Variants in SLC24A4 observed in about 807,000 individuals in gnomAD.
The protein encoded by SLC24A4 is solute carrier family 24 member 4.
In SLC24A4, 53 loss-of-function variants were observed where a neutral mutation model predicts 79.0. That is an observed-to-expected ratio of 0.67 (90% confidence interval 0.54 to 0.84). SLC24A4 has a LOEUF of 0.84. SLC24A4 is among the 40% of genes least tolerant of loss of function. SLC24A4 has a pLI of 0.00. For synonymous variants in SLC24A4, 323 were observed against 323.8 expected, an observed-to-expected ratio of 1.00 and a Z score of 0.03; for missense variants, 731 against 822.0, an observed-to-expected ratio of 0.89 and a Z score of 1.35.
intron 2 of SLC24A4, among the ~76,000 whole-genome samples, chr14:92,400,040 C>T (rs752285520): frequency 1.3e-5 from 2 of 152,076 alleles, no homozygotes; most frequent in African/African-American, 2.4e-5. Context: ...CAGGCGTGAG[C>T]AACTGTGCCT....
intron 2 of SLC24A4, among the ~76,000 whole-genome samples, chr14:92,359,553 C>A (rs1055707916): frequency 2.0e-5 from 3 of 151,806 alleles, no homozygotes; most frequent in African/African-American, 7.3e-5. Flanking sequence ...GAGCCAAGAT[C>A]GCACCATTAC....
chr14:92,430,183 C>G (rs1321195636), intron 2 of SLC24A4, among the ~76,000 whole-genome samples: 4 of 152,234 alleles, frequency 2.6e-5, no homozygotes, highest in Non-Finnish European at 5.9e-5. Flanking sequence ...TCAAGCCACC[C>G]TCTGAGAGGA....
rs1445055166 is a variant in SLC24A4, at chr14:92,445,315, A to G, written c.658-2A>G. ...CTCAACTCTGTTTCTTTTGCCTTACAGTTCATATATGATGAACAAATTGTG... is the reference window on the plus strand; with the variant it reads ...CTCAACTCTGTTTCTTTTGCCTTACGGTTCATATATGATGAACAAATTGTG... On this transcript the variant is annotated splice_acceptor_variant, in intron 7 of 16. Transcript: ENST00000532405. LOFTEE classifies it high-confidence loss of function. 7 of 1,614,028 alleles carry G rather than the reference A, an allele frequency of 4.3e-6. No individual in the cohort carries two copies. Among genetic ancestry groups the G allele is most frequent in the Admixed American group, 1.7e-5 (1 of 60,008 alleles).
chr14:92,446,188 T>C (rs570055881), intron 8 of SLC24A4, among the ~76,000 whole-genome samples: 7,249 of 152,076 alleles, frequency 0.048, 208 homozygotes, highest in Middle Eastern at 0.12. Context: ...TTTTTTTTTT[T>C]TGAGACCCGG....
chr14:92,454,185 G>A, intron 11 of SLC24A4, 116 bp downstream of exon 11: 6 of 1,103,440 alleles, frequency 5.4e-6, no homozygotes, highest in South Asian at 3.2e-5. Flanking sequence ...AGGATGCCCT[G>A]GGGCCTCCAG....
chr14:92,334,425 C>T (rs764976873), intron 2 of SLC24A4, among the ~76,000 whole-genome samples: 29 of 152,148 alleles, frequency 1.9e-4, no homozygotes, highest in Non-Finnish European at 3.7e-4. Context: ...CCACTCATGC[C>T]TGTTTCAGGG....
At chr14:92,486,851 C>G (rs1895393423) in intron 14 of SLC24A4, 71 bp downstream of exon 14, 1 of 1,122,112 alleles carries the variant, frequency 8.9e-7, no homozygotes, top group South Asian at 1.4e-5. Context: ...GCCTGACTTA[C>G]AGTTGACCAA....
chr14:92,347,192 G>A (rs760837556), intron 2 of SLC24A4, among the ~76,000 whole-genome samples: 8 of 152,260 alleles, frequency 5.3e-5, no homozygotes, highest in African/African-American at 9.6e-5. Context: ...TTAGTGATAC[G>A]CCTTAGCCAG....
At position 92,448,924 on chromosome 14, in the gene SLC24A4, A is replaced by G. The variant is rs1892969707; in HGVS notation, c.738-150A>G. On this transcript the variant is annotated intron_variant, in intron 9 of 16. Coordinates refer to ENST00000532405, the MANE Select transcript of SLC24A4 (RefSeq NM_153646.4). ...GTCCCTGTCAGGAAACTGTCAGCCC[A>G]GTTGAAAAGCTGAGGCTCCACACCT... 5.9e-6 allele frequency: 5 copies of G among 852,296 alleles called. No individual in the cohort carries two copies. In the Admixed American group the frequency reaches 1.3e-4, roughly 23 times the overall value. The allele number at this position is 852,296 out of a possible 1,614,324, so 52.8% of individuals were successfully genotyped here.
intron 12 of SLC24A4, among the ~76,000 whole-genome samples, chr14:92,465,710 A>T (rs955343158): frequency 5.3e-5 from 8 of 151,962 alleles, no homozygotes; most frequent in Admixed American, 3.9e-4. Flanking sequence ...TGTGAGAAGG[A>T]GACCAAGCCA....
At chr14:92,489,099 G>A (rs924748209) in intron 14 of SLC24A4, among the ~76,000 whole-genome samples, 13 of 152,020 alleles carry the variant, frequency 8.6e-5, no homozygotes, top group Non-Finnish European at 1.9e-4. Flanking sequence ...TAGTCCTCAG[G>A]GTAACATTGA....
At chr14:92,368,286 C>T (rs1412126268) in intron 2 of SLC24A4, among the ~76,000 whole-genome samples, 2 of 152,216 alleles carry the variant, frequency 1.3e-5, no homozygotes, top group Non-Finnish European at 2.9e-5. Context: ...ATCACAGCTA[C>T]GTTCCCAGGA....
chr14:92,353,473 C>A lies in SLC24A4; in HGVS notation c.241+27495C>A, dbSNP rs1481671480. Among the ~76,000 whole-genome samples, 2 of 152,106 alleles carry A rather than the reference C, an allele frequency of 1.3e-5. No homozygotes were observed. Among genetic ancestry groups the A allele is most frequent in the Non-Finnish European group, 2.9e-5 (2 of 68,018 alleles). ...GAATTTGTCATTTTGACAGATGGTG[C>A]CAGAGGGTCCTCCATCAAGTCTGTA... On this transcript the variant is annotated intron_variant, in intron 2 of 16. Coordinates refer to ENST00000532405, the MANE Select transcript of SLC24A4 (RefSeq NM_153646.4). The surrounding 1 kb of genome is among the most constrained non-coding windows in gnomAD (Gnocchi z 4.1).
chr14:92,429,365 T>A (rs1891736086), intron 2 of SLC24A4, among the ~76,000 whole-genome samples: 1 of 27,918 alleles, frequency 3.6e-5, no homozygotes, highest in African/African-American at 1.9e-4. Flanking sequence ...TTAGTGTATG[T>A]GAGATAGATA....
chr14:92,375,800 G>C (rs887435958), intron 2 of SLC24A4, among the ~76,000 whole-genome samples: 1 of 152,200 alleles, frequency 6.6e-6, no homozygotes, highest in Non-Finnish European at 1.5e-5. Flanking sequence ...CAAGGGCTGT[G>C]GGGGAGGGGT....
chr14:92,493,639 CG>C lies in SLC24A4; in HGVS notation c.*13del. On this transcript the variant is annotated 3_prime_UTR_variant, in exon 17 of 17. Transcript: ENST00000532405. ...CGGGAAGACGATTAGCGCTGAGTCG[CG>C]GCCCCTGGGAGCTGATCTGGACACC... 12 of 1,613,608 alleles carry C rather than the reference CG, an allele frequency of 7.4e-6. No homozygotes were observed. Among genetic ancestry groups the C allele is most frequent in the Non-Finnish European group, 1.0e-5 (12 of 1,179,698 alleles).
rs1427883719 is a variant in SLC24A4, at chr14:92,493,920, C to G, written c.*292C>G. 2.6e-6 allele frequency: 1 copy of G among 385,820 alleles called. No individual in the cohort carries two copies. The highest frequency in any genetic ancestry group is 4.7e-6 in the Non-Finnish European group (1 of 212,374). The allele number at this position is 385,820 out of a possible 1,614,324, so 23.9% of individuals were successfully genotyped here. ...CGGAGATGTGCCAAGCATCTCATCTCTCCTGCACACTTTAGTCAGAAGGAC... is the reference window on the plus strand; with the variant it reads ...CGGAGATGTGCCAAGCATCTCATCTGTCCTGCACACTTTAGTCAGAAGGAC... On this transcript the variant is annotated 3_prime_UTR_variant, in exon 17 of 17. Transcript: ENST00000532405.
intron 2 of SLC24A4, among the ~76,000 whole-genome samples, chr14:92,383,600 T>G (rs1409311631): frequency 6.6e-6 from 1 of 152,166 alleles, no homozygotes; most frequent in Non-Finnish European, 1.5e-5. Context: ...GCCAACGTGC[T>G]TGCTTCCCAT....
chr14:92,390,101 G>A (rs1484423413), intron 2 of SLC24A4, among the ~76,000 whole-genome samples: 11 of 146,624 alleles, frequency 7.5e-5, no homozygotes, highest in East Asian at 2.2e-4. Flanking sequence ...AGGTCTTCCC[G>A]GCTACCCCTG....
Sources: allele counts gnomAD v4.1 joint callset (sites outside exome capture counted in the v4.1 genomes callset), GRCh38; gene constraint gnomAD v4.1.1; non-coding constraint Gnocchi (gnomAD v3.1); transcripts MANE v1.5; gene names NCBI Gene and HGNC (gene_info 2026-07-23, HGNC 2026-07-21).